Variants in SCFD2 observed in about 807,000 individuals in gnomAD.
The protein encoded by SCFD2 is sec1 family domain-containing protein 2.
Under a neutral mutation model 58.9 loss-of-function variants are expected in SCFD2, and 54 were observed. The observed-to-expected ratio is 0.92, with a 90% confidence interval of 0.74 to 1.15. The LOEUF is 1.15. Among genes scored for constraint, SCFD2 ranks in the 50% most tolerant of loss-of-function variants. The pLI is 0.00. For missense variants in SCFD2, 805 were observed against 836.6 expected (o/e 0.96, Z 0.47); for synonymous variants, 321 against 335.9 (o/e 0.96, Z 0.49).
chr4:53,338,398 C>A (rs1366487795), intron 2 of SCFD2, among the ~76,000 whole-genome samples: 1 of 151,846 alleles, frequency 6.6e-6, no homozygotes, highest in African/African-American at 2.4e-5. Context: ...ACAGAATAAA[C>A]CCAAGGAAAT....
chr4:53,329,939 A>T (rs3959520), intron 2 of SCFD2, among the ~76,000 whole-genome samples: 2 of 144,656 alleles, frequency 1.4e-5, no homozygotes, highest in South Asian at 4.3e-4. Context: ...CGAGAACTAC[A>T]TGAAGAATGC....
intron 4 of SCFD2, among the ~76,000 whole-genome samples, chr4:53,232,239 T>A (rs1049035547): frequency 6.6e-6 from 1 of 152,178 alleles, no homozygotes; most frequent in Non-Finnish European, 1.5e-5. Context: ...GAAAAAAGGC[T>A]GCACCATCCC....
chr4:53,025,029 C>T (rs538338608), intron 5 of SCFD2, among the ~76,000 whole-genome samples: 2 of 152,220 alleles, frequency 1.3e-5, no homozygotes, highest in South Asian at 4.2e-4. Context: ...GTGATTAATC[C>T]AACCTGTGGG....
chr4:53,343,978 C>T (rs533276837), intron 2 of SCFD2, among the ~76,000 whole-genome samples: 1 of 152,226 alleles, frequency 6.6e-6, no homozygotes, highest in South Asian at 2.1e-4. Context: ...TATGACAAAC[C>T]CACAGCCAAT....
chr4:53,218,574 G>A (rs1012215914), intron 4 of SCFD2, among the ~76,000 whole-genome samples: 1 of 152,120 alleles, frequency 6.6e-6, no homozygotes, highest in Non-Finnish European at 1.5e-5. Flanking sequence ...TAGCTTCTTT[G>A]CGATGGGTTT....
chr4:52,914,901 TTGA>T (rs1719567620), intron 6 of SCFD2, among the ~76,000 whole-genome samples: 1 of 152,160 alleles, frequency 6.6e-6, no homozygotes, highest in Admixed American at 6.5e-5. Context: ...AAGAGACCCC[TTGA>T]TGGCTGATAC....
At chr4:53,257,872 T>G (rs1427649010) in intron 4 of SCFD2, among the ~76,000 whole-genome samples, 1 of 151,976 alleles carries the variant, frequency 6.6e-6, no homozygotes, top group Non-Finnish European at 1.5e-5. Context: ...GCTCTCTTTT[T>G]TAAAAAAAAC....
chr4:53,267,582 T>G (rs1429982185), intron 4 of SCFD2, among the ~76,000 whole-genome samples: 1 of 152,180 alleles, frequency 6.6e-6, no homozygotes, highest in East Asian at 1.9e-4. Flanking sequence ...TATTTATTTA[T>G]TTAAGAGATT....
At chr4:53,168,988 T>C (rs1380530472) in intron 4 of SCFD2, among the ~76,000 whole-genome samples, 3 of 152,264 alleles carry the variant, frequency 2.0e-5, no homozygotes, top group Non-Finnish European at 4.4e-5. Context: ...AGTGAGATGA[T>C]GTGGTATTTG....
intron 5 of SCFD2, among the ~76,000 whole-genome samples, chr4:53,089,518 G>A (rs1482456670): frequency 1.3e-5 from 2 of 152,078 alleles, no homozygotes; most frequent in South Asian, 2.1e-4. Flanking sequence ...ACTGAATATG[G>A]AATCAGCTTA....
intron 4 of SCFD2, among the ~76,000 whole-genome samples, chr4:53,177,534 G>A (rs1380366301): frequency 6.6e-6 from 1 of 152,164 alleles, no homozygotes; most frequent in Non-Finnish European, 1.5e-5. Context: ...ACTGGGAGAG[G>A]AGCCAAGATG....
At chr4:52,948,511 G>C (rs1223778534) in intron 5 of SCFD2, 3 of 456,410 alleles carry the variant, frequency 6.6e-6, no homozygotes, top group Non-Finnish European at 1.3e-5. Flanking sequence ...ATGCCAATGA[G>C]CTAGTGAAAA....
chr4:53,209,781 A>T (rs957774092), intron 4 of SCFD2, among the ~76,000 whole-genome samples: 1 of 152,006 alleles, frequency 6.6e-6, no homozygotes, highest in African/African-American at 2.4e-5. Context: ...TAAAAAAAAA[A>T]ATACAAAATT....
chr4:53,250,371 T>G (rs999435957), intron 4 of SCFD2, among the ~76,000 whole-genome samples: 1 of 152,118 alleles, frequency 6.6e-6, no homozygotes, highest in African/African-American at 2.4e-5. Context: ...AACACCCCAC[T>G]GTCAACATTA....
intron 5 of SCFD2, among the ~76,000 whole-genome samples, chr4:53,027,326 G>T (rs114426368): frequency 1.3e-5 from 2 of 151,850 alleles, no homozygotes; most frequent in African/African-American, 2.4e-5. Flanking sequence ...AGTGTCCTGC[G>T]CAGTGATGTA....
At position 52,890,037 on chromosome 4, in the gene SCFD2, G is replaced by A. The variant is rs116190475; in HGVS notation, c.1843-4171C>T. Among the ~76,000 whole-genome samples the A allele has an allele frequency of 7.4e-3, 1,124 of 152,328 alleles. 12 individuals carry two copies. The highest frequency in any genetic ancestry group is 0.024 in the African/African-American group (1,014 of 41,564). On this transcript the variant is annotated intron_variant, in intron 7 of 8. Transcript: ENST00000401642. ...ATCATATCCACAGGTTAACAGGAAA[G>A]GCCCTTCTTTTCTTAGAAACTCTCC...
intron 5 of SCFD2, among the ~76,000 whole-genome samples, chr4:52,947,968 C>CAAAAAAAAAAAAAAAAAAAAAAA (rs34494471): frequency 2.8e-5 from 1 of 35,202 alleles, no homozygotes; most frequent in African/African-American, 1.0e-4. Flanking sequence ...AAAAATAGGC[C>CAAAAAAAAAAAAAAAAAAAAAAA]AAAAAAAAAA....
intron 8 of SCFD2, among the ~76,000 whole-genome samples, chr4:52,881,563 A>G (rs1718610464): frequency 6.6e-6 from 1 of 152,242 alleles, no homozygotes; most frequent in Non-Finnish European, 1.5e-5. Context: ...TTTGCTTTTT[A>G]GATAGTCAAT....
intron 6 of SCFD2, among the ~76,000 whole-genome samples, chr4:52,912,857 T>TA (rs1719518059): frequency 6.6e-6 from 1 of 152,122 alleles, no homozygotes; most frequent in Admixed American, 6.5e-5. Flanking sequence ...AAGGACCCTG[T>TA]AGAAGGTGGT....
Sources: allele counts gnomAD v4.1 joint callset (sites outside exome capture counted in the v4.1 genomes callset), GRCh38; gene constraint gnomAD v4.1.1; transcripts MANE v1.5; gene names NCBI Gene and HGNC (gene_info 2026-07-23, HGNC 2026-07-21).